The following TNFRSF8 variants were observed in gnomAD, a reference collection of about 807,000 sequenced individuals.
TNFRSF8 encodes the protein TNF receptor superfamily member 8.
Under a neutral mutation model 70.8 loss-of-function variants are expected in TNFRSF8, and 26 were observed. That is an observed-to-expected ratio of 0.37 (90% confidence interval 0.27 to 0.51). The LOEUF is 0.51. TNFRSF8 is among the 20% of genes least tolerant of loss of function. The pLI is 0.94. For synonymous variants in TNFRSF8, 356 were observed against 339.2 expected, an observed-to-expected ratio of 1.05 and a Z score of -0.54; for missense variants, 720 against 807.9, an observed-to-expected ratio of 0.89 and a Z score of 1.32.
At chr1:12,068,028 G>A (rs900706993) in intron 1 of TNFRSF8, among the ~76,000 whole-genome samples, 14 of 152,082 alleles carry the variant, frequency 9.2e-5, no homozygotes, top group African/African-American at 3.4e-4. Context: ...TACTCAGCTT[G>A]AGAGCAGTGA....
At chr1:12,071,004 G>T in intron 1 of TNFRSF8, among the ~76,000 whole-genome samples, 1 of 151,432 alleles carries the variant, frequency 6.6e-6, no homozygotes, top group Non-Finnish European at 1.5e-5. Flanking sequence ...CCTTTTTTTG[G>T]CCCCCACATT....
At position 12,110,893 on chromosome 1, in the gene TNFRSF8, G is replaced by A. The variant is rs574636992; in HGVS notation, c.676+689G>A. Among the ~76,000 whole-genome samples the A allele has an allele frequency of 6.9e-4, 105 of 152,266 alleles. 1 individual carries two copies. The highest frequency in any genetic ancestry group is 2.2e-3 in the African/African-American group (91 of 41,564). The stretch of plus-strand genomic sequence containing the variant: ...GAGGATTACAGGCGTGAGCCACCGC[G>A]CCCAACCTAGTCCCATTTTATTACT... On this transcript the variant is annotated intron_variant, in intron 6 of 14. Transcript: ENST00000263932. This position sits in a 1 kb window ranked among gnomAD's most constrained non-coding sequence, Gnocchi z 4.0.
intron 2 of TNFRSF8, among the ~76,000 whole-genome samples, chr1:12,087,076 TCC>T (rs2100971921): frequency 1.9e-4 from 1 of 5,376 alleles, no homozygotes; most frequent in Admixed American, 2.3e-3. Context: ...TACCTTTCTA[TCC>T]ATCCATCCAT....
At chr1:12,111,832 G>A in intron 6 of TNFRSF8, 66 bp from the exon 7 acceptor site, 5 of 1,353,868 alleles carry the variant, frequency 3.7e-6, no homozygotes, top group Non-Finnish European at 4.2e-6. Flanking sequence ...GGGCTTCAGG[G>A]TTGGGTGGGG....
intron 12 of TNFRSF8, among the ~76,000 whole-genome samples, chr1:12,134,896 CT>C (rs1642116426): frequency 1.3e-5 from 2 of 152,170 alleles, no homozygotes; most frequent in South Asian, 4.1e-4. Context: ...ACAGACGAGC[CT>C]CTGACCCAGT....
rs201195847 is a variant in TNFRSF8 at position 12,124,829 on chromosome 1, C to CAAACAAAACAAAACAAAACA, written c.1153+1035_1153+1054dup. Among the ~76,000 whole-genome samples the CAAACAAAACAAAACAAAACA allele has an allele frequency of 8.5e-3, 1,239 of 146,028 alleles. 24 individuals are homozygous for CAAACAAAACAAAACAAAACA. Among genetic ancestry groups the CAAACAAAACAAAACAAAACA allele is most frequent in the Non-Finnish European group, 0.011 (702 of 66,464 alleles). On this transcript the variant is annotated intron_variant, in intron 10 of 14. Coordinates refer to ENST00000263932, the MANE Select transcript of TNFRSF8 (RefSeq NM_001243.5). ...TGAGCAGCAGAATGAGAATCAGTCT[C>CAAACAAAACAAAACAAAACA]AAACAAAACAAAACAAAACAAAACA...
intron 10 of TNFRSF8, among the ~76,000 whole-genome samples, chr1:12,124,796 C>T (rs1425076518): frequency 1.3e-5 from 2 of 150,020 alleles, no homozygotes; most frequent in Non-Finnish European, 3.0e-5. Flanking sequence ...CACCGCTGCA[C>T]TCCAGCCTGA....
Position 12,106,853 on chromosome 1 carries a change from CT to C in TNFRSF8, c.421+2323del, listed in dbSNP as rs537061001. On this transcript the variant is annotated intron_variant, in intron 4 of 14. Coordinates refer to ENST00000263932, the MANE Select transcript of TNFRSF8 (RefSeq NM_001243.5). ...CCATCTCTCAAATGAGGAGGTATAA[CT>C]GAAGGCCTTGGGGGCCTCTCCAAAA... Among the ~76,000 whole-genome samples, 16 of 152,350 alleles carry C rather than the reference CT, an allele frequency of 1.1e-4. No homozygotes were observed. The South Asian group carries it at 3.3e-3, about 32-fold the overall frequency.
intron 3 of TNFRSF8, among the ~76,000 whole-genome samples, chr1:12,102,556 C>T (rs762314465): frequency 1.3e-4 from 20 of 152,146 alleles, no homozygotes; most frequent in South Asian, 6.2e-4. Context: ...GACGGAGTCT[C>T]GCTCTTTTGC....
At chr1:12,107,325 G>A (rs1641542703) in intron 4 of TNFRSF8, among the ~76,000 whole-genome samples, 1 of 152,030 alleles carries the variant, frequency 6.6e-6, no homozygotes, top group African/African-American at 2.4e-5. Context: ...AATCCGGGAG[G>A]TGGAGGTTGT....
chr1:12,069,463 A>G (rs1640805303), intron 1 of TNFRSF8, among the ~76,000 whole-genome samples: 2 of 151,646 alleles, frequency 1.3e-5, no homozygotes, highest in Non-Finnish European at 2.9e-5. Context: ...TACAGGGGTG[A>G]GCCACCACGC....
chr1:12,072,723 C>T (rs1039089122), intron 1 of TNFRSF8, among the ~76,000 whole-genome samples: 3 of 152,196 alleles, frequency 2.0e-5, no homozygotes, highest in Non-Finnish European at 4.4e-5. Flanking sequence ...TGCTGCCTGC[C>T]AGGTACGGTT....
chr1:12,092,722 A>G (rs1442352353), intron 2 of TNFRSF8, among the ~76,000 whole-genome samples: 1 of 151,568 alleles, frequency 6.6e-6, no homozygotes, highest in Non-Finnish European at 1.5e-5. Context: ...GTTAGCGAGG[A>G]TGGTCTCGAT....
intron 3 of TNFRSF8, among the ~76,000 whole-genome samples, chr1:12,097,501 A>G (rs182059322): frequency 5.9e-5 from 9 of 152,220 alleles, no homozygotes; most frequent in Admixed American, 3.3e-4. Context: ...TTTCTTGCTT[A>G]TCCTTACTTT....
chr1:12,125,827 AG>A, intron 10 of TNFRSF8, 123 bp from the exon 11 acceptor site: 1 of 797,878 alleles, frequency 1.3e-6, no homozygotes, highest in Non-Finnish European at 2.2e-6. Context: ...TGGCTTGGAA[AG>A]GACCTGTTGT....
chr1:12,137,327 A>AATC (rs59611210), intron 13 of TNFRSF8, among the ~76,000 whole-genome samples: 85,948 of 151,656 alleles, frequency 0.57, 24,656 homozygotes, highest in Admixed American at 0.67. Context: ...TAATAATAAT[A>AATC]ATAATGGCAA....
chr1:12,122,019 A>G (rs1404527203), intron 8 of TNFRSF8, among the ~76,000 whole-genome samples: 2 of 152,232 alleles, frequency 1.3e-5, no homozygotes, highest in African/African-American at 2.4e-5. Context: ...ACACTCCTCT[A>G]TAGTGACATA....
rs1553152961 is a variant in TNFRSF8 at position 12,074,043 on chromosome 1, T to TCTTCACTCAGG, written c.63+10383_63+10384insTTCACTCAGGC. On this transcript the variant is annotated intron_variant, in intron 1 of 14. Transcript: ENST00000263932. ...TGCTTCGGCCCTGGAATCTTCAGGA[T>TCTTCACTCAGG]CCCTGCAGTCTCAACAATTGGCTCA... Among the ~76,000 whole-genome samples, 375 of 152,130 alleles carry TCTTCACTCAGG rather than the reference T, an allele frequency of 2.5e-3. 1 individual carries two copies. Among genetic ancestry groups the TCTTCACTCAGG allele is most frequent in the Non-Finnish European group, 2.5e-3 (169 of 68,004 alleles).
intron 10 of TNFRSF8, among the ~76,000 whole-genome samples, chr1:12,124,979 G>A (rs664654): frequency 0.11 from 16,579 of 152,098 alleles, 1,283 homozygotes; most frequent in African/African-American, 0.22. Context: ...GTAGTGCTCC[G>A]GCCAGAGTTT....
Sources: gnomAD v4.1 joint callset for allele counts (sites outside exome capture counted in the v4.1 genomes callset) on GRCh38, gnomAD v4.1.1 for gene constraint, Gnocchi (gnomAD v3.1) non-coding constraint, MANE v1.5 for transcripts, NCBI Gene and HGNC (gene_info 2026-07-23, HGNC 2026-07-21) for gene names.